FRYL: variants seen among roughly 807,000 people sequenced by gnomAD.
The protein encoded by FRYL is FRY like transcription coactivator, also known as protein furry homolog-like.
In FRYL, 150 loss-of-function variants were observed where a neutral mutation model predicts 351.2. The observed-to-expected ratio is 0.43, with a 90% CI of 0.37 to 0.49. The LOEUF is 0.49. Ranked by LOEUF, FRYL falls within the 20% of genes least tolerant of loss-of-function variation. The pLI is 0.00. For synonymous variants in FRYL, 1,153 were observed against 1,257.1 expected, an observed-to-expected ratio of 0.92 and a Z score of 1.75; for missense variants, 3,036 against 3,619.3, an observed-to-expected ratio of 0.84 and a Z score of 4.13.
chr4:48,701,561 G>A (rs898785955), intron 2 of FRYL, among the ~76,000 whole-genome samples: 1 of 152,208 alleles, frequency 6.6e-6, no homozygotes, highest in Non-Finnish European at 1.5e-5. Context: ...CATTTTGCAA[G>A]TTGTAGGCAG....
In FRYL at chr4:48,780,066, G is replaced by A. The variant is rs1776514179; in HGVS notation, c.-384+12C>T. On this transcript the variant is annotated intron_variant, in intron 1 of 63. Transcript: ENST00000358350. The stretch of plus-strand genomic sequence containing the variant: ...AAGTAAAATGAAGCGCCTTTCCCCA[G>A]TCAACACCTACCCGTTCCCAGTCCT... 1 of 152,452 alleles carries A rather than the reference G, an allele frequency of 6.6e-6. No homozygotes were observed. The highest frequency in any genetic ancestry group is 2.1e-4 in the South Asian group (1 of 4,828). The allele number at this position is 152,452 out of a possible 1,614,324, so 9.4% of individuals were successfully genotyped here.
intron 10 of FRYL, 94 bp from the exon 11 acceptor site, chr4:48,605,927 T>G: frequency 1.3e-6 from 1 of 776,796 alleles, no homozygotes; most frequent in South Asian, 1.7e-5. Flanking sequence ...TCTGTCATTT[T>G]ACCAAAAAAC....
Position 48,723,922 on chromosome 4 carries a change from C to CA in FRYL, c.-383-13225dup, listed in dbSNP as rs565579931. ...GCAATATAGTAAGACCCCAACTCTA[C>CA]AAAAAAAAAAATAAATAAAATAATA... On this transcript the variant is annotated intron_variant, in intron 1 of 63. Coordinates refer to ENST00000358350, the MANE Select transcript of FRYL (RefSeq NM_015030.2). 3.5e-3 allele frequency among the ~76,000 whole-genome samples: 415 copies of CA among 119,512 alleles called. 5 individuals are homozygous for CA. The South Asian group carries it at 0.039, about 11-fold the overall frequency. 78.4% of individuals were successfully genotyped at this position (119,512 alleles called of 152,430 possible).
chr4:48,528,391 C>CTTTA lies in FRYL; in HGVS notation c.6904-56_6904-55insTAAA, dbSNP rs1726749982. ...CTCAAATATTTCAACATAAAAGAAA[C>CTTTA]TTAAAAGGGTTAACAGTGCACCTAT... is the stretch of plus-strand genomic sequence containing the variant. On this transcript the variant is annotated intron_variant, in intron 50 of 63. Coordinates refer to ENST00000358350, the MANE Select transcript of FRYL (RefSeq NM_015030.2). 9.0e-6 allele frequency: 13 copies of CTTTA among 1,449,458 alleles called. No individual in the cohort carries two copies. In the South Asian group the frequency reaches 1.8e-4, roughly 20 times the overall value. The allele number at this position is 1,449,458 out of a possible 1,614,324, so 89.8% of individuals were successfully genotyped here. A position where few individuals can be genotyped will look rare whatever the true frequency, so the allele number is the denominator to read the frequency against.
chr4:48,544,783 C>A lies in FRYL; in HGVS notation c.5401G>T (p.Glu1801Ter). The A allele has an allele frequency of 6.3e-7, 1 of 1,576,340 alleles. No homozygotes were observed. The highest frequency in any genetic ancestry group is 8.6e-7 in the Non-Finnish European group (1 of 1,166,992). ...AACTAAAATATTTCTTAAAAGATAC[C>A]TGAGCTTGACTGCTTAAAAACAGAA... ...VVSVFKQSSSEGIHLEHHLSE... is the reference protein window; with the variant it reads ...VVSVFKQSSS Residue 1801 changes from glutamate (E) to a stop codon, truncating the protein, a stop_gained and splice_region_variant, in exon 43 of 64, where the codon GAA (glutamate) becomes TAA (stop). Coordinates refer to ENST00000358350, the MANE Select transcript of FRYL (RefSeq NM_015030.2). LOFTEE classifies it high-confidence loss of function.
intron 44 of FRYL, among the ~76,000 whole-genome samples, chr4:48,543,601 T>A (rs1730699840): frequency 6.6e-6 from 1 of 152,208 alleles, no homozygotes; most frequent in Middle Eastern, 3.2e-3. Context: ...CTTTTTCTGA[T>A]AGGCACTAGA....
chr4:48,594,052 T>C (rs778828135), intron 15 of FRYL, 36 bp from the exon 16 acceptor site: 5 of 1,077,816 alleles, frequency 4.6e-6, no homozygotes, highest in African/African-American at 1.7e-5. Context: ...CTTGCTACTA[T>C]GTGTTAGGTA....
At chr4:48,702,455 CAAAAAAAAAAAAAAAAAA>C (rs34675617) in intron 2 of FRYL, among the ~76,000 whole-genome samples, 1,170 of 29,404 alleles carry the variant, frequency 0.04, 18 homozygotes, top group African/African-American at 0.074. Flanking sequence ...GACTCTGTCT[CAAAAAAAAAAAAAAAAAA>C]AAAAAAAAAA....
intron 1 of FRYL, among the ~76,000 whole-genome samples, chr4:48,764,993 C>A (rs1774802946): frequency 6.6e-6 from 1 of 152,126 alleles, no homozygotes; most frequent in Admixed American, 6.6e-5. Context: ...TACAGGCGCA[C>A]ACCACCATGC....
intron 21 of FRYL, 103 bp downstream of exon 21, chr4:48,581,317 T>C: frequency 1.0e-6 from 1 of 1,004,048 alleles, no homozygotes; most frequent in Non-Finnish European, 1.4e-6. Flanking sequence ...GGTAGGTTAG[T>C]TTAGACCCAT....
intron 44 of FRYL, among the ~76,000 whole-genome samples, chr4:48,543,490 C>A (rs967211305): frequency 1.3e-5 from 2 of 152,164 alleles, no homozygotes; most frequent in Non-Finnish European, 2.9e-5. Flanking sequence ...ATTCAATGCT[C>A]CACTTTACAT....
rs1456837056 is a variant in FRYL at position 48,539,859 on chromosome 4, A to T, written c.6393+112T>A. 3 of 746,378 alleles carry T rather than the reference A, an allele frequency of 4.0e-6. No individual in the cohort carries two copies. The African/African-American group carries it at 5.3e-5, about 13-fold the overall frequency. The allele number at this position is 746,378 out of a possible 1,614,324, so 46.2% of individuals were successfully genotyped here. On this transcript the variant is annotated intron_variant, in intron 47 of 63. Coordinates refer to ENST00000358350, the MANE Select transcript of FRYL (RefSeq NM_015030.2). ...ATAAAAATAAAAATTTAAATGCAAAATTCATATGGGAAGTGACAATAAAAG... is the reference window on the plus strand; with the variant it reads ...ATAAAAATAAAAATTTAAATGCAAATTTCATATGGGAAGTGACAATAAAAG...
chr4:48,590,630 AAGCAACATTTAATTTCAAT>A lies in FRYL; in HGVS notation c.1507+10_1507+28del. The A allele has an allele frequency of 6.7e-7, 1 of 1,496,012 alleles. No individual in the cohort carries two copies. Among genetic ancestry groups the A allele is most frequent in the Non-Finnish European group, 9.2e-7 (1 of 1,091,378 alleles). 92.7% of individuals were successfully genotyped at this position (1,496,012 alleles called of 1,614,324 possible). The stretch of plus-strand genomic sequence containing the variant: ...TAAAAGAATATGAAACTGTATTACA[AAGCAACATTTAATTTCAAT>A]TAAACTAACCTATGACTTTTGCTTC... On this transcript the variant is annotated intron_variant, in intron 17 of 63. Transcript: ENST00000358350.
chr4:48,505,957 C>T (rs915777844), intron 59 of FRYL: 12 of 187,532 alleles, frequency 6.4e-5, no homozygotes, highest in South Asian at 1.8e-4. Context: ...TAACGTAAGA[C>T]GGGGAAAGGA....
chr4:48,570,665 T>G (rs1287217904), intron 27 of FRYL, among the ~76,000 whole-genome samples, 162 bp downstream of exon 27: 1 of 152,236 alleles, frequency 6.6e-6, no homozygotes, highest in East Asian at 1.9e-4. Flanking sequence ...TACTGGTCAG[T>G]GTATCGAATG....
intron 3 of FRYL, among the ~76,000 whole-genome samples, chr4:48,677,242 A>G (rs1407416841): frequency 2.0e-5 from 3 of 152,228 alleles, no homozygotes; most frequent in Admixed American, 2.0e-4. Context: ...TTTTTGTTAA[A>G]TCATAAGCAT....
intron 3 of FRYL, among the ~76,000 whole-genome samples, chr4:48,668,946 A>G (rs1762207896): frequency 6.6e-6 from 1 of 152,162 alleles, no homozygotes. Flanking sequence ...TAACCTTTAC[A>G]GAATATTCCT....
chr4:48,598,812 A>G (rs780189059), intron 13 of FRYL: 1 of 978,000 alleles, frequency 1.0e-6, no homozygotes, highest in Non-Finnish European at 1.2e-6. Context: ...TTACTTTGTA[A>G]TGTCGACACA....
rs368161860 is a variant in FRYL, at chr4:48,531,328, T to C, written c.6731A>G (p.Asn2244Ser). 1.4e-5 allele frequency: 23 copies of C among 1,613,414 alleles called. No homozygotes were observed. In the African/African-American group the frequency reaches 3.1e-4, roughly 22 times the overall value. The part of the protein sequence containing the change: ...VQSPYWKEAL[N>S]ILKLVVSRSA... Reference sequence around the variant, plus strand: ...GCGTGACACCACCAGCTTTAATATGTTAAGGGCTTCCTTCCAGTAAGGACT... The same window carrying C: ...GCGTGACACCACCAGCTTTAATATGCTAAGGGCTTCCTTCCAGTAAGGACT... Residue 2244 changes from asparagine (N) to serine (S), a missense_variant, in exon 50 of 64, where the codon AAC (asparagine) becomes AGC (serine). This residue lies in a region of FRYL where 1,987 missense variants were observed against 2,311.7 expected (regional missense o/e 0.86). Transcript: ENST00000358350.
Sources: allele counts gnomAD v4.1 joint callset (sites outside exome capture counted in the v4.1 genomes callset), GRCh38; gene constraint gnomAD v4.1.1; regional missense constraint gnomAD v4.1.1; transcripts MANE v1.5; gene names NCBI Gene and HGNC (gene_info 2026-07-23, HGNC 2026-07-21).